Variants in C1orf162 observed in about 807,000 individuals in gnomAD.
C1orf162 encodes transmembrane protein C1orf162.
C1orf162 carries 10 observed loss-of-function variants against 11.4 expected under a neutral mutation model. That is an observed-to-expected ratio of 0.88 (90% CI 0.54 to 1.48). The LOEUF is 1.48. Among genes scored for constraint, C1orf162 ranks in the 40% most tolerant of loss-of-function variants. The probability of loss-of-function intolerance (pLI) is 0.00; values close to 1 mark genes in which losing one functional copy is unlikely to be tolerated. For synonymous variants in C1orf162, 53 were observed against 55.0 expected, an observed-to-expected ratio of 0.96 and a Z score of 0.16; for missense variants, 140 against 149.5, an observed-to-expected ratio of 0.94 and a Z score of 0.33.
chr1:111,476,886 A>G lies in C1orf162; in HGVS notation c.107+19A>G, dbSNP rs748325571. 3.1e-6 allele frequency: 5 copies of G among 1,608,620 alleles called. No individual in the cohort carries two copies. The highest frequency in any genetic ancestry group is 1.1e-5 in the South Asian group (1 of 90,960). On this transcript the variant is annotated intron_variant, in intron 3 of 5. Transcript: ENST00000369718. ...ACCACAAGTAAATGAGCATTCTCCT[A>G]TCTGTTTCATCTTGTACCACGTGGG...
At chr1:111,476,928 A>G (rs1025838491) in intron 3 of C1orf162, 61 bp downstream of exon 3, 3 of 1,562,826 alleles carry the variant, frequency 1.9e-6, no homozygotes, top group African/African-American at 1.4e-5. Context: ...TGTTGTGCTG[A>G]CAGCCTCGGC....
At chr1:111,477,272 C>G in intron 3 of C1orf162, 62 bp from the exon 4 acceptor site, 2 of 1,390,334 alleles carry the variant, frequency 1.4e-6, no homozygotes, top group Admixed American at 3.4e-5. Flanking sequence ...AAAGGTTTCA[C>G]TCTTTAGGAA....
intron 4 of C1orf162, 92 bp from the exon 5 acceptor site, chr1:111,477,634 C>T (rs763050137): frequency 6.2e-7 from 1 of 1,612,358 alleles, no homozygotes; most frequent in Non-Finnish European, 8.5e-7. Flanking sequence ...TCCTCCCCAC[C>T]CCACCCTTCA....
At position 111,477,721 on chromosome 1, in the gene C1orf162, G is replaced by T; in HGVS notation, c.203-5G>T. On this transcript the variant is annotated splice_region_variant and splice_polypyrimidine_tract_variant and intron_variant, in intron 4 of 5. Transcript: ENST00000369718. ...GGGTCCCTCTTCTTTCTGGCACCAT[G>T]GCAGATCACTCCAAGCCCCAGGCCC... The T allele has an allele frequency of 6.2e-7, 1 of 1,613,448 alleles. No individual in the cohort carries two copies. Among genetic ancestry groups the T allele is most frequent in the Non-Finnish European group, 8.5e-7 (1 of 1,179,912 alleles).
At chr1:111,474,235 A>G (rs548471131) in intron 1 of C1orf162, among the ~76,000 whole-genome samples, 3 of 152,248 alleles carry the variant, frequency 2.0e-5, no homozygotes, top group Admixed American at 1.3e-4. Context: ...TATATATAGC[A>G]CCGCTTCTAT....
intron 1 of C1orf162, chr1:111,475,370 T>C (rs1164927311): frequency 6.6e-6 from 1 of 152,240 alleles, no homozygotes; most frequent in East Asian, 1.9e-4. Flanking sequence ...TTCACTTTCC[T>C]GCCTTTAGAT....
intron 1 of C1orf162, 80 bp from the exon 2 acceptor site, chr1:111,475,938 G>T: frequency 9.0e-7 from 1 of 1,115,414 alleles, no homozygotes; most frequent in South Asian, 1.3e-5. Context: ...ACTCTTATAT[G>T]ACAATCACAG....
Position 111,478,249 on chromosome 1 carries a change from A to G in C1orf162, c.*126A>G. On this transcript the variant is annotated 3_prime_UTR_variant, in exon 6 of 6. Transcript: ENST00000369718. ...TGAAACTGCAGTCGGAGTTGTTTAG[A>G]TGTGATCTGGCAATGCTATCCAGCA... The G allele has an allele frequency of 8.7e-7, 1 of 1,147,248 alleles. No homozygotes were observed. Among genetic ancestry groups the G allele is most frequent in the Non-Finnish European group, 1.3e-6 (1 of 789,640 alleles). The allele number at this position is 1,147,248 out of a possible 1,614,324, so 71.1% of individuals were successfully genotyped here.
chr1:111,477,957 C>G lies in C1orf162; in HGVS notation c.253-26C>G, dbSNP rs1200853166. 1.9e-6 allele frequency: 3 copies of G among 1,614,062 alleles called. No individual in the cohort carries two copies. The South Asian group carries it at 3.3e-5, about 18-fold the overall frequency. On this transcript the variant is annotated intron_variant, in intron 5 of 5. Transcript: ENST00000369718. ...CCTTTTGCTCCAGACTGGACTCACT[C>G]ATTCCTCCTTTTTCTCCCTCTGCAG...
At position 111,478,060 on chromosome 1, in the gene C1orf162, G is replaced by A. The variant is rs1571390043; in HGVS notation, c.330G>A (p.Leu110=). Residue 110 remains leucine (L), a synonymous_variant, in exon 6 of 6, where the codon TTG becomes TTA. Coordinates refer to ENST00000369718, the MANE Select transcript of C1orf162 (RefSeq NM_001300834.2). The part of the protein sequence containing the change: ...FKLSEEKSNH[L]AENHSADFDP... ...TCTCAGAAGAAAAGAGCAATCACTTGGCTGAGAACCATTCTGCAGACTTTG... is the reference window on the plus strand; with the variant it reads ...TCTCAGAAGAAAAGAGCAATCACTTAGCTGAGAACCATTCTGCAGACTTTG... 1 of 1,614,030 alleles carries A rather than the reference G, an allele frequency of 6.2e-7. No individual in the cohort carries two copies. Among genetic ancestry groups the A allele is most frequent in the Non-Finnish European group, 8.5e-7 (1 of 1,179,960 alleles).
intron 3 of C1orf162, chr1:111,477,132 A>G (rs1654018324): frequency 9.5e-6 from 6 of 633,942 alleles, no homozygotes. Flanking sequence ...AGGGAGGGGG[A>G]GAGGAAGAGG....
rs113993359 is a variant in C1orf162 at position 111,477,253 on chromosome 1, AT to A, written c.108-80del. The stretch of plus-strand genomic sequence containing the variant: ...TGAAAACCATTTCAGGAGTCCATCC[AT>A]AGGCAGGAAAGGTTTCACTCTTTAG... On this transcript the variant is annotated intron_variant, in intron 3 of 5. Transcript: ENST00000369718. 10,327 of 1,198,044 alleles carry A rather than the reference AT, an allele frequency of 8.6e-3. 593 individuals are homozygous for A. In the African/African-American group the frequency reaches 0.13, roughly 15 times the overall value. The allele number at this position is 1,198,044 out of a possible 1,614,324, so 74.2% of individuals were successfully genotyped here.
Position 111,478,301 on chromosome 1 carries a change from T to G in C1orf162, c.*178T>G. On this transcript the variant is annotated 3_prime_UTR_variant, in exon 6 of 6. Transcript: ENST00000369718. ...CTTTGGAGACCAATGGTCAGTCTTTTCCTGGCCAGAGGAAAGATTGATGGC... is the reference window on the plus strand; with the variant it reads ...CTTTGGAGACCAATGGTCAGTCTTTGCCTGGCCAGAGGAAAGATTGATGGC... The G allele has an allele frequency of 2.7e-6, 2 of 740,282 alleles. No homozygotes were observed. The highest frequency in any genetic ancestry group is 1.8e-5 in the African/African-American group (1 of 56,768). 45.9% of individuals were successfully genotyped at this position (740,282 alleles called of 1,614,324 possible).
At chr1:111,477,528 T>G in intron 4 of C1orf162, 100 bp downstream of exon 4, 1 of 1,477,846 alleles carries the variant, frequency 6.8e-7, no homozygotes. Context: ...GAGGGTGCAG[T>G]GTGATAAAAC....
rs1199578330 is a variant in C1orf162, at chr1:111,477,377, A to C, written c.151A>C (p.Thr51Pro). 4 of 1,614,022 alleles carry C rather than the reference A, an allele frequency of 2.5e-6. No individual in the cohort carries two copies. Among genetic ancestry groups the C allele is most frequent in the Non-Finnish European group, 3.4e-6 (4 of 1,180,018 alleles). ...ILAFCAGVLL[T>P]LLLIAFIFLI... Reference sequence around the variant, plus strand: ...TGCCTTTTGTGCTGGGGTTCTACTGACACTGCTGCTGATAGCCTTTATCTT... The same window carrying C: ...TGCCTTTTGTGCTGGGGTTCTACTGCCACTGCTGCTGATAGCCTTTATCTT... The change falls in exon 4 of 6, where the codon ACA becomes CCA. Residue 51 changes from threonine to proline, a missense_variant. Coordinates refer to ENST00000369718, the MANE Select transcript of C1orf162 (RefSeq NM_001300834.2).
intron 2 of C1orf162, 74 bp from the exon 3 acceptor site, chr1:111,476,724 C>G (rs1378294567): frequency 6.7e-7 from 1 of 1,494,620 alleles, no homozygotes; most frequent in Middle Eastern, 1.7e-4. Context: ...GAATGGGGCA[C>G]CTGGGGAAAC....
At chr1:111,477,518 G>A in intron 4 of C1orf162, 90 bp downstream of exon 4, 1 of 1,486,036 alleles carries the variant, frequency 6.7e-7, no homozygotes, top group Non-Finnish European at 9.4e-7. Flanking sequence ...GGAGGTAGGG[G>A]AGGGTGCAGT....
intron 1 of C1orf162, 135 bp from the exon 2 acceptor site, chr1:111,475,883 C>G: frequency 3.1e-6 from 2 of 638,922 alleles, no homozygotes; most frequent in Non-Finnish European, 5.9e-6. Context: ...GATCTGTGAC[C>G]ACTGATGGCA....
intron 2 of C1orf162, among the ~76,000 whole-genome samples, chr1:111,476,392 G>T (rs1011215784): frequency 6.6e-6 from 1 of 152,158 alleles, no homozygotes; most frequent in African/African-American, 2.4e-5. Context: ...TGCAAAAAGG[G>T]CAAACATAAA....
Sources: allele counts gnomAD v4.1 joint callset (sites outside exome capture counted in the v4.1 genomes callset), GRCh38; gene constraint gnomAD v4.1.1; transcripts MANE v1.5; gene names NCBI Gene and HGNC (gene_info 2026-07-23, HGNC 2026-07-21).